Variants in ATP8A1 observed in about 807,000 individuals in gnomAD.
ATP8A1 encodes phospholipid-transporting ATPase IA.
In ATP8A1, 90 loss-of-function variants were observed where a neutral mutation model predicts 177.7. That is an observed-to-expected ratio of 0.51 (90% confidence interval 0.43 to 0.60). ATP8A1 has a LOEUF of 0.60. Among genes scored for constraint, ATP8A1 ranks in the 20% least tolerant of loss-of-function variants. The pLI, the probability that ATP8A1 is intolerant of heterozygous loss-of-function variation, is 0.00. For synonymous variants in ATP8A1, 493 were observed against 485.9 expected, an observed-to-expected ratio of 1.01 and a Z score of -0.19; for missense variants, 1,072 against 1,392.8, an observed-to-expected ratio of 0.77 and a Z score of 3.67.
At chr4:42,418,995 G>A (rs1713558891) in intron 35 of ATP8A1, among the ~76,000 whole-genome samples, 2 of 152,058 alleles carry the variant, frequency 1.3e-5, no homozygotes, top group African/African-American at 2.4e-5. Flanking sequence ...AAAAAAATTG[G>A]GGATGATCAA....
chr4:42,496,028 A>G lies in ATP8A1; in HGVS notation c.2151+7422T>C, dbSNP rs185426498. On this transcript the variant is annotated intron_variant, in intron 24 of 36. Coordinates refer to ENST00000381668, the MANE Select transcript of ATP8A1 (RefSeq NM_006095.2). ...CAAGGGTCACAAAATGGAGGCAGGT[A>G]GGAAGAGGAAGTTGTAGTGCTGGGT... Among the ~76,000 whole-genome samples, 18 of 152,360 alleles carry G rather than the reference A, an allele frequency of 1.2e-4. 1 individual carries two copies. The highest frequency in any genetic ancestry group is 1.1e-3 in the Admixed American group (17 of 15,304).
chr4:42,556,284 T>C, intron 15 of ATP8A1: 1 of 316,232 alleles, frequency 3.2e-6, no homozygotes, highest in Non-Finnish European at 5.7e-6. Context: ...CAGTTCATTT[T>C]TTCTGGAGTT....
intron 35 of ATP8A1, among the ~76,000 whole-genome samples, chr4:42,420,132 T>C (rs932417368): frequency 6.6e-6 from 1 of 152,172 alleles, no homozygotes; most frequent in Non-Finnish European, 1.5e-5. Flanking sequence ...AACCTTAGAG[T>C]GCCATTACTT....
intron 21 of ATP8A1, among the ~76,000 whole-genome samples, chr4:42,522,989 AAG>A (rs34554464): frequency 0.1 from 15,188 of 152,196 alleles, 934 homozygotes; most frequent in Middle Eastern, 0.17. Context: ...TTTACAAAGG[AAG>A]AGAGACCCTG....
At chr4:42,420,360 G>C (rs531209250) in intron 35 of ATP8A1, among the ~76,000 whole-genome samples, 1 of 152,308 alleles carries the variant, frequency 6.6e-6, no homozygotes, top group Admixed American at 6.5e-5. Context: ...ACATTCCTGA[G>C]TTCTTAGGAA....
chr4:42,626,581 T>C (rs1738121581), intron 2 of ATP8A1: 2 of 201,352 alleles, frequency 9.9e-6, no homozygotes, highest in Admixed American at 1.1e-4. Context: ...ATACTAAACT[T>C]CACAACTATC....
intron 22 of ATP8A1, among the ~76,000 whole-genome samples, chr4:42,521,825 G>A (rs992389911): frequency 2.0e-5 from 3 of 152,136 alleles, no homozygotes; most frequent in Non-Finnish European, 2.9e-5. Flanking sequence ...CACATGTCAT[G>A]TATGTAATGT....
At chr4:42,465,869 A>G (rs1719690805) in intron 25 of ATP8A1, among the ~76,000 whole-genome samples, 1 of 152,000 alleles carries the variant, frequency 6.6e-6, no homozygotes, top group African/African-American at 2.4e-5. Context: ...CGTCTCTACT[A>G]AAAATACAAA....
intron 25 of ATP8A1, among the ~76,000 whole-genome samples, chr4:42,484,452 G>A (rs574665362): frequency 2.0e-5 from 3 of 152,132 alleles, no homozygotes; most frequent in Non-Finnish European, 2.9e-5. Flanking sequence ...TGCTTATAAA[G>A]GATATTGAGA....
chr4:42,609,138 T>C (rs1392032505), intron 5 of ATP8A1, among the ~76,000 whole-genome samples: 1 of 152,178 alleles, frequency 6.6e-6, no homozygotes, highest in Non-Finnish European at 1.5e-5. Context: ...ATACTACTTC[T>C]ATCAACTCAT....
At chr4:42,448,396 C>CTTTACTTTTTTTTTTTT (rs778022629) in intron 30 of ATP8A1, among the ~76,000 whole-genome samples, 2,664 of 83,636 alleles carry the variant, frequency 0.032, 736 homozygotes, top group South Asian at 0.054. Flanking sequence ...CCTTCTCTTT[C>CTTTACTTTTTTTTTTTT]TTTTCTTTTT....
rs745671032 is a variant in ATP8A1 at position 42,552,498 on chromosome 4, T to G, written c.1519+7A>C. On this transcript the variant is annotated splice_region_variant and intron_variant, in intron 17 of 36. Coordinates refer to ENST00000381668, the MANE Select transcript of ATP8A1 (RefSeq NM_006095.2). The stretch of plus-strand genomic sequence containing the variant: ...AAAACAATACTTTACAATTGCTTCA[T>G]TTGTACCTGGAGATGCTGCTTGATA... 10 of 1,592,552 alleles carry G rather than the reference T, an allele frequency of 6.3e-6. No homozygotes were observed. The highest frequency in any genetic ancestry group is 7.7e-6 in the Non-Finnish European group (9 of 1,162,266).
chr4:42,475,217 C>T (rs566817104), intron 25 of ATP8A1, among the ~76,000 whole-genome samples: 5 of 152,246 alleles, frequency 3.3e-5, no homozygotes, highest in African/African-American at 1.2e-4. Flanking sequence ...CCAGGCTGGA[C>T]TGCAGTGGTG....
intron 1 of ATP8A1, among the ~76,000 whole-genome samples, chr4:42,643,760 G>A (rs1188848731): frequency 1.3e-5 from 2 of 152,130 alleles, no homozygotes; most frequent in Admixed American, 6.5e-5. Context: ...CAGATGATTC[G>A]CTGGTAGGTA....
chr4:42,555,138 TA>T (rs56407135), intron 16 of ATP8A1, among the ~76,000 whole-genome samples: 23,419 of 71,132 alleles, frequency 0.33, 3,052 homozygotes, highest in East Asian at 0.36. Context: ...TCTATCTATC[TA>T]ATCTATCTAT....
chr4:42,472,044 C>T (rs1720478539), intron 25 of ATP8A1: 1 of 720,980 alleles, frequency 1.4e-6, no homozygotes, highest in African/African-American at 1.7e-5. Flanking sequence ...CCAACTCTGG[C>T]TAGTACGTGA....
At chr4:42,594,541 T>TA (rs527736165) in intron 6 of ATP8A1, among the ~76,000 whole-genome samples, 21 of 151,886 alleles carry the variant, frequency 1.4e-4, no homozygotes, top group African/African-American at 4.6e-4. Context: ...AGGAATCCTT[T>TA]AAAAAAAATG....
At position 42,579,833 on chromosome 4, in the gene ATP8A1, T is replaced by C. The variant is rs780789814; in HGVS notation, c.980A>G (p.Asp327Gly). The change falls in exon 11 of 37, where the codon GAC (aspartate) becomes GGC (glycine). Residue 327 changes from aspartate (D) to glycine (G), a missense_variant. Asp to Gly is a moderately conservative substitution (Grantham distance 94, BLOSUM62 -1). This residue lies in a region of ATP8A1 where 344 missense variants were observed against 393.5 expected (regional missense o/e 0.87). Coordinates refer to ENST00000381668, the MANE Select transcript of ATP8A1 (RefSeq NM_006095.2). ...AIWNRRHSGK[D>G]WYLNLNYGGA... ...CTTACAGTTTAGATTGAGATACCAG[T>C]CTTTTCCAGAATGCCTTCGATTCCA... 22 of 1,613,658 alleles carry C rather than the reference T, an allele frequency of 1.4e-5. No individual in the cohort carries two copies. The highest frequency in any genetic ancestry group is 1.9e-5 in the Non-Finnish European group (22 of 1,179,810).
At chr4:42,453,001 C>T (rs1718096050) in intron 29 of ATP8A1, among the ~76,000 whole-genome samples, 1 of 152,170 alleles carries the variant, frequency 6.6e-6, no homozygotes, top group Non-Finnish European at 1.5e-5. Context: ...ATTTACGCTC[C>T]AATACATTAC....
Sources: gnomAD v4.1 joint callset for allele counts (sites outside exome capture counted in the v4.1 genomes callset) on GRCh38, gnomAD v4.1.1 for gene constraint, gnomAD v4.1.1 regional missense constraint, MANE v1.5 for transcripts, NCBI Gene and HGNC (gene_info 2026-07-23, HGNC 2026-07-21) for gene names.